Variants in TACR1 observed in about 807,000 individuals in gnomAD.
TACR1 encodes tachykinin receptor 1.
TACR1 carries 25 observed loss-of-function variants against 35.8 expected under a neutral mutation model. The ratio of observed to expected loss-of-function variants is 0.70; its 90% confidence interval spans 0.51 to 0.98. The LOEUF (loss-of-function observed/expected upper bound fraction) is 0.98. TACR1 is among the 50% of genes least tolerant of loss of function. TACR1 has a pLI of 0.00. For synonymous variants in TACR1, 195 were observed against 206.7 expected (o/e 0.94, Z 0.48); for missense variants, 478 against 522.9 (o/e 0.91, Z 0.84).
At chr2:75,154,509 C>CACACACACACACAG (rs1674789185) in intron 1 of TACR1, 6 of 137,416 alleles carry the variant, frequency 4.4e-5, no homozygotes, top group Admixed American at 2.2e-4. Context: ...CACACACACA[C>CACACACACACACAG]ACACACACAC....
At chr2:75,112,085 C>G (rs1436460198) in intron 2 of TACR1, among the ~76,000 whole-genome samples, 1 of 151,958 alleles carries the variant, frequency 6.6e-6, no homozygotes, top group Non-Finnish European at 1.5e-5. Context: ...TTAGGTTATT[C>G]AGGTTTCCAA....
At chr2:75,181,407 A>T (rs749102202) in intron 1 of TACR1, among the ~76,000 whole-genome samples, 1 of 152,192 alleles carries the variant, frequency 6.6e-6, no homozygotes, top group African/African-American at 2.4e-5. Context: ...CAAAGAAAAC[A>T]TACTCCAGAC....
chr2:75,154,117 C>G (rs1674741608), intron 1 of TACR1, among the ~76,000 whole-genome samples: 2 of 152,122 alleles, frequency 1.3e-5, no homozygotes, highest in African/African-American at 2.4e-5. Context: ...CCCCTCACTG[C>G]CCAAAGCAAT....
chr2:75,193,226 T>C (rs1167594287), intron 1 of TACR1, among the ~76,000 whole-genome samples: 2 of 152,192 alleles, frequency 1.3e-5, no homozygotes, highest in African/African-American at 2.4e-5. Flanking sequence ...CGTGACCTTG[T>C]TAATCTCCAA....
intron 1 of TACR1, among the ~76,000 whole-genome samples, chr2:75,146,606 A>C (rs1402578758): frequency 1.3e-5 from 2 of 152,202 alleles, no homozygotes; most frequent in Non-Finnish European, 2.9e-5. Flanking sequence ...GGGGTACCAA[A>C]GTGGAGATGA....
intron 1 of TACR1, among the ~76,000 whole-genome samples, chr2:75,134,328 C>A (rs920431838): frequency 6.6e-6 from 1 of 152,200 alleles, no homozygotes; most frequent in African/African-American, 2.4e-5. Context: ...TCCTGTCCTG[C>A]TTTTTAACTC....
intron 2 of TACR1, among the ~76,000 whole-genome samples, chr2:75,089,961 C>T (rs2103851027): frequency 6.6e-6 from 1 of 152,276 alleles, no homozygotes; most frequent in African/African-American, 2.4e-5. Context: ...TCTTAATCTT[C>T]ATCAAAATCA....
intron 2 of TACR1, among the ~76,000 whole-genome samples, chr2:75,070,278 ACTT>A (rs1672853320): frequency 6.7e-6 from 1 of 149,908 alleles, no homozygotes; most frequent in African/African-American, 2.5e-5. Flanking sequence ...TGTTTTGAGC[ACTT>A]CTTTTCTGGA....
intron 2 of TACR1, among the ~76,000 whole-genome samples, chr2:75,086,471 G>A (rs1263353008): frequency 6.6e-6 from 1 of 152,152 alleles, no homozygotes; most frequent in Non-Finnish European, 1.5e-5. Context: ...GCACACAGTG[G>A]ACACTCAATA....
intron 2 of TACR1, among the ~76,000 whole-genome samples, chr2:75,093,216 C>G (rs1463936975): frequency 6.6e-6 from 1 of 152,138 alleles, no homozygotes; most frequent in Non-Finnish European, 1.5e-5. Context: ...CAAATCAGTT[C>G]TCCTGTATGA....
At chr2:75,060,553 G>A (rs568054871) in intron 2 of TACR1, among the ~76,000 whole-genome samples, 10 of 152,226 alleles carry the variant, frequency 6.6e-5, no homozygotes, top group Non-Finnish European at 1.5e-4. Flanking sequence ...ACATGGCTGT[G>A]TGAAGAAGTG....
chr2:75,075,344 T>C (rs1672958227), intron 2 of TACR1, among the ~76,000 whole-genome samples: 2 of 152,190 alleles, frequency 1.3e-5, no homozygotes, highest in Non-Finnish European at 2.9e-5. Context: ...TGCACCTACT[T>C]TGGAAAACAA....
chr2:75,137,971 G>A (rs1674332525), intron 1 of TACR1, among the ~76,000 whole-genome samples: 1 of 152,076 alleles, frequency 6.6e-6, no homozygotes. Flanking sequence ...TGCTACCCAG[G>A]ACCTTTTTAC....
At chr2:75,171,759 C>G (rs1014256342) in intron 1 of TACR1, among the ~76,000 whole-genome samples, 1 of 152,184 alleles carries the variant, frequency 6.6e-6, no homozygotes, top group Non-Finnish European at 1.5e-5. Context: ...GCCTGTAGCC[C>G]TTTTGTTTTG....
At chr2:75,068,590 A>G (rs1401384098) in intron 2 of TACR1, among the ~76,000 whole-genome samples, 2 of 152,134 alleles carry the variant, frequency 1.3e-5, no homozygotes, top group African/African-American at 4.8e-5. Context: ...TGTTTCCTAT[A>G]TGCCAGGCTC....
intron 1 of TACR1, among the ~76,000 whole-genome samples, chr2:75,175,537 TAGAGG>T (rs977007534): frequency 1.2e-3 from 179 of 152,292 alleles, no homozygotes; most frequent in African/African-American, 4.3e-3. Flanking sequence ...TTTCAGATTC[TAGAGG>T]CTGCCTTTAT....
At chr2:75,058,057 C>T (rs914164786) in intron 2 of TACR1, among the ~76,000 whole-genome samples, 4 of 152,142 alleles carry the variant, frequency 2.6e-5, no homozygotes, top group African/African-American at 9.7e-5. Flanking sequence ...AGATTTGATC[C>T]TTGGATGAGA....
intron 2 of TACR1, among the ~76,000 whole-genome samples, chr2:75,111,134 G>A (rs374189722): frequency 4.0e-5 from 6 of 151,752 alleles, no homozygotes; most frequent in African/African-American, 7.3e-5. Context: ...AGTTTGTCAC[G>A]TGCAGAAGTT....
At chr2:75,082,322 T>A (rs1323089545) in intron 2 of TACR1, among the ~76,000 whole-genome samples, 1 of 151,930 alleles carries the variant, frequency 6.6e-6, no homozygotes, top group African/African-American at 2.4e-5. Context: ...GTCTATCATT[T>A]ATGGACATTT....
Sources: allele counts gnomAD v4.1 joint callset (sites outside exome capture counted in the v4.1 genomes callset), GRCh38; gene constraint gnomAD v4.1.1; transcripts MANE v1.5; gene names NCBI Gene and HGNC (gene_info 2026-07-23, HGNC 2026-07-21).